MOB3B: variants seen among roughly 807,000 people sequenced by gnomAD.
MOB3B encodes MOB kinase activator-like 2B.
Under a neutral mutation model 18.7 loss-of-function variants are expected in MOB3B, and 7 were observed. The ratio of observed to expected loss-of-function variants is 0.37; its 90% CI spans 0.21 to 0.70. MOB3B has a LOEUF of 0.70. Among genes scored for constraint, MOB3B ranks in the 30% least tolerant of loss-of-function variants. The pLI is 0.52. For synonymous variants in MOB3B, 111 were observed against 99.9 expected, an observed-to-expected ratio of 1.11 and a Z score of -0.66; for missense variants, 253 against 281.3, an observed-to-expected ratio of 0.90 and a Z score of 0.72.
intron 1 of MOB3B, among the ~76,000 whole-genome samples, chr9:27,472,364 G>GA (rs953666041): frequency 3.3e-5 from 5 of 152,060 alleles, no homozygotes; most frequent in African/African-American, 1.2e-4. Flanking sequence ...CAAAGCCATG[G>GA]AAAACAACAT....
At chr9:27,369,743 T>C (rs1821387184) in intron 2 of MOB3B, among the ~76,000 whole-genome samples, 1 of 152,162 alleles carries the variant, frequency 6.6e-6, no homozygotes, top group South Asian at 2.1e-4. Context: ...TACTGGAGGG[T>C]TGGTAGCTGG....
intron 2 of MOB3B, among the ~76,000 whole-genome samples, chr9:27,400,242 A>G (rs903547959): frequency 1.3e-5 from 2 of 152,238 alleles, no homozygotes; most frequent in African/African-American, 4.8e-5. Context: ...GAATAATAAT[A>G]CTTACAGTAA....
intron 3 of MOB3B, among the ~76,000 whole-genome samples, chr9:27,352,363 C>T (rs1821117900): frequency 7.1e-6 from 1 of 141,416 alleles, no homozygotes; most frequent in African/African-American, 2.7e-5. Flanking sequence ...CAGAGTGAGA[C>T]CCTGTCTCAA....
chr9:27,521,468 C>T (rs576217044), intron 1 of MOB3B, among the ~76,000 whole-genome samples: 6 of 152,258 alleles, frequency 3.9e-5, no homozygotes, highest in South Asian at 2.1e-4. Context: ...CTAAGCACCA[C>T]GGGCAATTTC....
At chr9:27,446,583 A>G (rs1215815544) in intron 2 of MOB3B, among the ~76,000 whole-genome samples, 1 of 152,072 alleles carries the variant, frequency 6.6e-6, no homozygotes, top group Non-Finnish European at 1.5e-5. Flanking sequence ...ATAATTATGG[A>G]CTTTTGATCC....
At chr9:27,406,640 A>C (rs570955129) in intron 2 of MOB3B, among the ~76,000 whole-genome samples, 1 of 152,366 alleles carries the variant, frequency 6.6e-6, no homozygotes, top group Non-Finnish European at 1.5e-5. Flanking sequence ...ATTGGGAAGG[A>C]CAGTCTTCTT....
chr9:27,447,962 G>GT, intron 2 of MOB3B, among the ~76,000 whole-genome samples: 1 of 152,244 alleles, frequency 6.6e-6, no homozygotes, highest in Middle Eastern at 3.4e-3. Context: ...GTTCCTACCA[G>GT]TAAGGGCCCA....
At chr9:27,529,010 C>A (rs1820486038) in intron 1 of MOB3B, among the ~76,000 whole-genome samples, 1 of 152,208 alleles carries the variant, frequency 6.6e-6, no homozygotes, top group African/African-American at 2.4e-5. Context: ...ACGCTCCCCA[C>A]CTCCGTGAGG....
At chr9:27,512,022 CCATATAA>C (rs1820154750) in intron 1 of MOB3B, among the ~76,000 whole-genome samples, 1 of 152,148 alleles carries the variant, frequency 6.6e-6, no homozygotes, top group Admixed American at 6.6e-5. Context: ...CTAAGCCTAA[CCATATAA>C]CCTTCCCATG....
intron 2 of MOB3B, among the ~76,000 whole-genome samples, chr9:27,372,162 C>A (rs947724945): frequency 6.6e-6 from 1 of 151,980 alleles, no homozygotes; most frequent in Non-Finnish European, 1.5e-5. Flanking sequence ...AAAAGATGGC[C>A]TGGGACACCT....
rs545789035 is a variant in MOB3B, at chr9:27,338,696, A to C, written c.622-8080T>G. On this transcript the variant is annotated intron_variant, in intron 3 of 3. Coordinates refer to ENST00000262244, the MANE Select transcript of MOB3B (RefSeq NM_024761.5). ...GCAGCTCTTGCCTGGCCTCGGGCACAGGGAGGCCACTGTGTCGCTGTCGGG... is the reference window on the plus strand; with the variant it reads ...GCAGCTCTTGCCTGGCCTCGGGCACCGGGAGGCCACTGTGTCGCTGTCGGG... Among the ~76,000 whole-genome samples, 30 of 152,376 alleles carry C rather than the reference A, an allele frequency of 2.0e-4. 1 individual carries two copies. The highest frequency in any genetic ancestry group is 6.3e-4 in the African/African-American group (26 of 41,600).
intron 1 of MOB3B, chr9:27,525,079 T>C (rs942512075): frequency 4.5e-5 from 38 of 852,540 alleles, no homozygotes; most frequent in Non-Finnish European, 6.0e-5. Flanking sequence ...GTTGGACTGG[T>C]AGCCTCGGAA....
chr9:27,342,728 G>A lies in MOB3B; in HGVS notation c.622-12112C>T, dbSNP rs185721188. On this transcript the variant is annotated intron_variant, in intron 3 of 3. Coordinates refer to ENST00000262244, the MANE Select transcript of MOB3B (RefSeq NM_024761.5). ...AGTGATCTGCCTGCCTCGGCCTCCC[G>A]AGGTGCCGGGATTGCAGATGGAGTC... Among the ~76,000 whole-genome samples the A allele has an allele frequency of 6.0e-4, 91 of 152,240 alleles. 1 individual carries two copies. Among genetic ancestry groups the A allele is most frequent in the Middle Eastern group, 3.4e-3 (1 of 294 alleles).
chr9:27,480,223 C>T (rs906508203), intron 1 of MOB3B, among the ~76,000 whole-genome samples: 1 of 151,850 alleles, frequency 6.6e-6, no homozygotes, highest in Non-Finnish European at 1.5e-5. Context: ...AATCTCGGCT[C>T]ACTGCAACTG....
At chr9:27,402,021 T>G (rs532025781) in intron 2 of MOB3B, among the ~76,000 whole-genome samples, 1 of 152,320 alleles carries the variant, frequency 6.6e-6, no homozygotes, top group Admixed American at 6.5e-5. Flanking sequence ...ATAAACTGAG[T>G]TCTGCCATTT....
At chr9:27,485,894 G>T (rs1025423509) in intron 1 of MOB3B, among the ~76,000 whole-genome samples, 8 of 152,180 alleles carry the variant, frequency 5.3e-5, no homozygotes, top group Non-Finnish European at 1.5e-5. Flanking sequence ...CAAACTCACT[G>T]AGCTGAACTA....
At chr9:27,416,224 C>G (rs1207592270) in intron 2 of MOB3B, among the ~76,000 whole-genome samples, 1 of 151,602 alleles carries the variant, frequency 6.6e-6, no homozygotes, top group Admixed American at 6.6e-5. Flanking sequence ...TTCATGATCT[C>G]GTAGGACCTC....
At chr9:27,471,462 A>G (rs1208894462) in intron 1 of MOB3B, among the ~76,000 whole-genome samples, 2 of 152,138 alleles carry the variant, frequency 1.3e-5, no homozygotes, top group Non-Finnish European at 2.9e-5. Flanking sequence ...GCTCTTGGTC[A>G]CTGTGTTGTA....
chr9:27,492,944 G>A (rs1819842775), intron 1 of MOB3B, among the ~76,000 whole-genome samples: 1 of 152,074 alleles, frequency 6.6e-6, no homozygotes, highest in Non-Finnish European at 1.5e-5. Flanking sequence ...TGCAAAATGG[G>A]GATAAGTATT....
Sources: allele counts gnomAD v4.1 joint callset (sites outside exome capture counted in the v4.1 genomes callset), GRCh38; gene constraint gnomAD v4.1.1; transcripts MANE v1.5; gene names NCBI Gene and HGNC (gene_info 2026-07-23, HGNC 2026-07-21).